Variants in PCSK6 observed in about 807,000 individuals in gnomAD.
PCSK6 encodes the protein proprotein convertase subtilisin/kexin type 6.
PCSK6 carries 85 observed loss-of-function variants against 123.3 expected under a neutral mutation model. The observed-to-expected ratio is 0.69, with a 90% CI of 0.58 to 0.83. PCSK6 has a LOEUF of 0.83. Among genes scored for constraint, PCSK6 ranks in the 40% least tolerant of loss-of-function variants. The probability of loss-of-function intolerance (pLI) is 0.00; values close to 1 mark genes in which losing one functional copy is unlikely to be tolerated. For synonymous variants in PCSK6, 508 were observed against 516.0 expected, an observed-to-expected ratio of 0.98 and a Z score of 0.21; for missense variants, 1,191 against 1,282.3, an observed-to-expected ratio of 0.93 and a Z score of 1.09.
chr15:101,412,351 G>A (rs2055718337), intron 6 of PCSK6, among the ~76,000 whole-genome samples: 2 of 152,238 alleles, frequency 1.3e-5, no homozygotes, highest in South Asian at 4.1e-4. Flanking sequence ...GGAGGAAACG[G>A]ATGCTGGAAC....
intron 2 of PCSK6, among the ~76,000 whole-genome samples, chr15:101,437,796 T>C (rs931620102): frequency 6.6e-6 from 1 of 151,844 alleles, no homozygotes; most frequent in African/African-American, 2.4e-5. Flanking sequence ...CTCCACTCAC[T>C]GACAACAGAA....
intron 6 of PCSK6, among the ~76,000 whole-genome samples, chr15:101,422,858 G>T (rs368873463): frequency 0.02 from 3,022 of 151,652 alleles, 105 homozygotes; most frequent in African/African-American, 0.069. Context: ...CCTGATCTCG[G>T]GATCCACCCG....
intron 2 of PCSK6, among the ~76,000 whole-genome samples, chr15:101,433,491 G>A (rs1679800167): frequency 6.6e-6 from 1 of 152,218 alleles, no homozygotes; most frequent in Admixed American, 6.5e-5. Flanking sequence ...GGATAAGGAT[G>A]GGCGCCAGGG....
At chr15:101,399,962 T>TA (rs1304139914) in intron 6 of PCSK6, among the ~76,000 whole-genome samples, 3 of 152,206 alleles carry the variant, frequency 2.0e-5, no homozygotes, top group Non-Finnish European at 2.9e-5. Flanking sequence ...GTAAGAATAG[T>TA]ATATGCTCTT....
chr15:101,375,671 C>T (rs771929086), intron 11 of PCSK6, among the ~76,000 whole-genome samples: 57 of 152,274 alleles, frequency 3.7e-4, no homozygotes, highest in African/African-American at 1.3e-3. Flanking sequence ...AGTCCCCCAA[C>T]GAGCACACTC....
At chr15:101,326,997 G>A (rs2040271064) in intron 15 of PCSK6, among the ~76,000 whole-genome samples, 1 of 152,190 alleles carries the variant, frequency 6.6e-6, no homozygotes, top group African/African-American at 2.4e-5. Flanking sequence ...TGGGAATGGG[G>A]ATGGATCTCC....
intron 19 of PCSK6, chr15:101,316,297 CAG>C (rs1490348667): frequency 6.6e-6 from 1 of 152,262 alleles, no homozygotes; most frequent in Non-Finnish European, 1.5e-5. Context: ...GGGAGACCCC[CAG>C]AGCTGTGGAC....
chr15:101,356,477 T>C (rs1291466299), intron 13 of PCSK6, among the ~76,000 whole-genome samples: 1 of 122,488 alleles, frequency 8.2e-6, no homozygotes, highest in African/African-American at 3.3e-5. Context: ...CCGGCCAACA[T>C]GGCAAAACCC....
At chr15:101,456,796 G>A (rs889142796) in intron 1 of PCSK6, among the ~76,000 whole-genome samples, 2 of 152,208 alleles carry the variant, frequency 1.3e-5, no homozygotes, top group African/African-American at 4.8e-5. Context: ...TACACAAGGT[G>A]AGGGTCAAAG....
intron 6 of PCSK6, among the ~76,000 whole-genome samples, chr15:101,399,515 A>G (rs1450436403): frequency 6.6e-6 from 1 of 151,988 alleles, no homozygotes; most frequent in Non-Finnish European, 1.5e-5. Context: ...GGGCTCCCAT[A>G]AGCCTCTCCC....
At chr15:101,330,083 C>T (rs775065851) in intron 15 of PCSK6, among the ~76,000 whole-genome samples, 11 of 152,344 alleles carry the variant, frequency 7.2e-5, no homozygotes, top group East Asian at 5.8e-4. Context: ...GGCCACCAGA[C>T]GGCTCTGGCC....
intron 2 of PCSK6, among the ~76,000 whole-genome samples, chr15:101,434,505 G>A (rs567722453): frequency 3.9e-5 from 6 of 152,356 alleles, no homozygotes; most frequent in East Asian, 1.9e-4. Flanking sequence ...TGGGCATCCC[G>A]GCCCTTGGTC....
intron 1 of PCSK6, among the ~76,000 whole-genome samples, chr15:101,476,207 GAA>G (rs975736146): frequency 1.3e-5 from 2 of 152,186 alleles, no homozygotes; most frequent in Non-Finnish European, 2.9e-5. Context: ...GAAAGCACAT[GAA>G]AAGTTACTTG....
chr15:101,369,848 C>T (rs968646608), intron 12 of PCSK6, among the ~76,000 whole-genome samples: 1 of 152,238 alleles, frequency 6.6e-6, no homozygotes, highest in African/African-American at 2.4e-5. Flanking sequence ...ACCACCCGAG[C>T]CTGTCTGTAT....
chr15:101,418,347 A>T (rs1048192569), intron 6 of PCSK6, among the ~76,000 whole-genome samples: 1 of 152,184 alleles, frequency 6.6e-6, no homozygotes, highest in Non-Finnish European at 1.5e-5. Context: ...TCTGATAAAC[A>T]AGTTAGAGAG....
intron 11 of PCSK6, among the ~76,000 whole-genome samples, chr15:101,381,189 C>T (rs1164557925): frequency 6.6e-6 from 1 of 152,004 alleles, no homozygotes; most frequent in African/African-American, 2.4e-5. Flanking sequence ...TGGTGAAACC[C>T]CATCTCTACT....
chr15:101,341,826 T>A (rs2040614916), intron 13 of PCSK6, among the ~76,000 whole-genome samples: 1 of 152,094 alleles, frequency 6.6e-6, no homozygotes, highest in Non-Finnish European at 1.5e-5. Context: ...GTAAACACAC[T>A]GAAGAGTAGC....
At chr15:101,381,708 G>T (rs781757874) in intron 11 of PCSK6, among the ~76,000 whole-genome samples, 1 of 152,190 alleles carries the variant, frequency 6.6e-6, no homozygotes, top group Non-Finnish European at 1.5e-5. Context: ...ATCTCTAGCC[G>T]GTGGTGACAG....
intron 20 of PCSK6, chr15:101,312,084 G>A (rs192714265): frequency 3.3e-3 from 1 of 304 alleles, no homozygotes; most frequent in African/African-American, 0.056. Flanking sequence ...CCACCCCATC[G>A]TCACACCCTC....
Sources: gnomAD v4.1 joint callset for allele counts (sites outside exome capture counted in the v4.1 genomes callset) on GRCh38, gnomAD v4.1.1 for gene constraint, MANE v1.5 for transcripts, NCBI Gene and HGNC (gene_info 2026-07-23, HGNC 2026-07-21) for gene names.